INO80C: variants seen among roughly 807,000 people sequenced by gnomAD.
The protein encoded by INO80C is INO80 complex subunit C.
Under a neutral mutation model 17.7 loss-of-function variants are expected in INO80C, and 17 were observed. The observed-to-expected ratio is 0.96, with a 90% CI of 0.66 to 1.44. INO80C has a LOEUF of 1.44. Ranked by LOEUF, INO80C falls within the 40% of genes most tolerant of loss-of-function variation. The probability of loss-of-function intolerance (pLI) is 0.00; values close to 1 mark genes in which losing one functional copy is unlikely to be tolerated. For synonymous variants in INO80C, 96 were observed against 95.8 expected (o/e 1.00, Z -0.01); for missense variants, 244 against 245.0 (o/e 1.00, Z 0.03).
chr18:35,471,484 A>AG (rs1280760667), intron 4 of INO80C, among the ~76,000 whole-genome samples: 1 of 152,216 alleles, frequency 6.6e-6, no homozygotes, highest in Non-Finnish European at 1.5e-5. Flanking sequence ...CTATGCATTG[A>AG]GCTCAAGAAC....
At chr18:35,482,854 T>C (rs1201370982) in intron 1 of INO80C, among the ~76,000 whole-genome samples, 1 of 152,084 alleles carries the variant, frequency 6.6e-6, no homozygotes, top group African/African-American at 2.4e-5. Flanking sequence ...GCAGTACACA[T>C]CTTGCCTACT....
intron 1 of INO80C, among the ~76,000 whole-genome samples, chr18:35,492,161 G>A (rs2045939174): frequency 6.6e-6 from 1 of 152,238 alleles, no homozygotes; most frequent in African/African-American, 2.4e-5. Context: ...CAAATGTCAA[G>A]TTATATCTAT....
At chr18:35,480,727 G>A (rs979961496) in intron 1 of INO80C, among the ~76,000 whole-genome samples, 164 bp from the exon 2 acceptor site, 3 of 152,152 alleles carry the variant, frequency 2.0e-5, no homozygotes, top group African/African-American at 4.8e-5. Flanking sequence ...CACACCACAC[G>A]GGGAGTAGCA....
At chr18:35,474,472 G>C (rs1446183655) in intron 4 of INO80C, among the ~76,000 whole-genome samples, 1 of 151,664 alleles carries the variant, frequency 6.6e-6, no homozygotes, top group Non-Finnish European at 1.5e-5. Flanking sequence ...AGGATGACTT[G>C]AGGCCGGGAG....
intron 1 of INO80C, among the ~76,000 whole-genome samples, chr18:35,488,606 T>C (rs355323): frequency 0.79 from 120,652 of 152,064 alleles, 48,072 homozygotes; most frequent in East Asian, 0.98. Flanking sequence ...CACTAGGCAC[T>C]GGGCCTGTGA....
chr18:35,476,199 G>A (rs1278163517), intron 4 of INO80C, among the ~76,000 whole-genome samples: 2 of 152,160 alleles, frequency 1.3e-5, no homozygotes, highest in East Asian at 3.8e-4. Flanking sequence ...AAACATCAGA[G>A]GAATTCCAGT....
chr18:35,492,480 AAC>A (rs1392472480), intron 1 of INO80C, among the ~76,000 whole-genome samples: 2 of 152,252 alleles, frequency 1.3e-5, no homozygotes, highest in African/African-American at 4.8e-5. Flanking sequence ...ACATGTAGAA[AAC>A]ACAAATTATA....
chr18:35,469,588 C>T (rs1305665178), intron 4 of INO80C, among the ~76,000 whole-genome samples: 1 of 152,204 alleles, frequency 6.6e-6, no homozygotes, highest in African/African-American at 2.4e-5. Context: ...CCCAAAGCTA[C>T]ACCTCTGGGG....
In INO80C at chr18:35,482,796, C is replaced by T. The variant is rs2422311; in HGVS notation, c.157-2233G>A. On this transcript the variant is annotated intron_variant, in intron 1 of 4. Coordinates refer to ENST00000334598, the MANE Select transcript of INO80C (RefSeq NM_194281.4). The stretch of plus-strand genomic sequence containing the variant: ...TCTCCCTTCCTCCCACAGTCCTTAG[C>T]GTTTATCTGGTAACTTCCTGAGCTA... 3.1e-3 allele frequency among the ~76,000 whole-genome samples: 471 copies of T among 152,266 alleles called. 6 individuals carry two copies. Among genetic ancestry groups the T allele is most frequent in the African/African-American group, 0.011 (446 of 41,542 alleles).
At chr18:35,485,758 T>C (rs1351573867) in intron 1 of INO80C, among the ~76,000 whole-genome samples, 1 of 152,196 alleles carries the variant, frequency 6.6e-6, no homozygotes, top group Non-Finnish European at 1.5e-5. Flanking sequence ...TGTACACAAA[T>C]ATTCATAGCA....
Position 35,486,679 on chromosome 18 carries a change from C to A in INO80C, c.157-6116G>T, listed in dbSNP as rs896288449. On this transcript the variant is annotated intron_variant, in intron 1 of 4. Transcript: ENST00000334598. The stretch of plus-strand genomic sequence containing the variant: ...GTTGTAGTTCTGGTTACTCGGGAGA[C>A]TGAGAAGGGAGGATCACTTGAACCC... 2.0e-5 allele frequency among the ~76,000 whole-genome samples: 3 copies of A among 149,990 alleles called. No individual in the cohort carries two copies. The South Asian group carries it at 6.3e-4, about 31-fold the overall frequency.
intron 4 of INO80C, among the ~76,000 whole-genome samples, chr18:35,473,898 A>G (rs2045699803): frequency 6.6e-6 from 1 of 152,110 alleles, no homozygotes; most frequent in Non-Finnish European, 1.5e-5. Context: ...CTGTCCTAAC[A>G]AAGGTGATCA....
At chr18:35,488,485 T>C (rs1420781303) in intron 1 of INO80C, among the ~76,000 whole-genome samples, 2 of 73,032 alleles carry the variant, frequency 2.7e-5, no homozygotes, top group Non-Finnish European at 3.0e-5. Flanking sequence ...GCCCAAGCTC[T>C]ACCTTGGCCC....
intron 1 of INO80C, chr18:35,497,424 G>A (rs2045994726): frequency 2.5e-6 from 3 of 1,210,064 alleles, no homozygotes; most frequent in Non-Finnish European, 3.1e-6. Context: ...ACACTCATTA[G>A]TCCTGAACCT....
chr18:35,488,871 A>C (rs2045904720), intron 1 of INO80C, among the ~76,000 whole-genome samples: 1 of 152,168 alleles, frequency 6.6e-6, no homozygotes, highest in African/African-American at 2.4e-5. Flanking sequence ...TGCTGCTTAG[A>C]AATTTCTTCT....
intron 4 of INO80C, among the ~76,000 whole-genome samples, chr18:35,475,225 G>C (rs896048331): frequency 6.6e-6 from 1 of 152,068 alleles, no homozygotes; most frequent in Non-Finnish European, 1.5e-5. Context: ...ATGAACAAAG[G>C]TAAGAATTAT....
chr18:35,490,196 T>C (rs1598749348), intron 1 of INO80C, among the ~76,000 whole-genome samples: 2 of 152,038 alleles, frequency 1.3e-5, no homozygotes, highest in East Asian at 3.9e-4. Flanking sequence ...GGAAGGAACA[T>C]GGGGTGAGCC....
At chr18:35,489,132 C>T (rs2045908208) in intron 1 of INO80C, 1 of 172,420 alleles carries the variant, frequency 5.8e-6, no homozygotes, top group South Asian at 1.2e-4. Context: ...TTCCTGTCTT[C>T]TTCTGAGCCC....
Position 35,468,620 on chromosome 18 carries a change from G to A in INO80C, c.570C>T (p.Ile190=), listed in dbSNP as rs34798377. The A allele has an allele frequency of 5.6e-4, 908 of 1,614,068 alleles. 8 individuals are homozygous for A. In the African/African-American group the frequency reaches 0.011, roughly 19 times the overall value. Residue 190 remains isoleucine (I), a synonymous_variant, in exon 5 of 5, where the codon ATC becomes ATT. Coordinates refer to ENST00000334598, the MANE Select transcript of INO80C (RefSeq NM_194281.4). ...TCTCCCTTTCTGGGGCTCAGGGAAC[G>A]ATGCTCGTGGCCTTCCTCAGGGCCA... ...GYLALRKATS[I]VP
Sources: gnomAD v4.1 joint callset for allele counts (sites outside exome capture counted in the v4.1 genomes callset) on GRCh38, gnomAD v4.1.1 for gene constraint, MANE v1.5 for transcripts, NCBI Gene and HGNC (gene_info 2026-07-23, HGNC 2026-07-21) for gene names.